TANC2: variants seen among roughly 807,000 people sequenced by gnomAD.
TANC2 encodes the protein tetratricopeptide repeat, ankyrin repeat and coiled-coil containing 2.
Under a neutral mutation model 210.5 loss-of-function variants are expected in TANC2, and 26 were observed. That is an observed-to-expected ratio of 0.12 (90% CI 0.09 to 0.17). The LOEUF is 0.17. Among genes scored for constraint, TANC2 ranks in the 10% least tolerant of loss-of-function variants. The pLI, the probability that TANC2 is intolerant of heterozygous loss-of-function variation, is 1.00. For missense variants in TANC2, 2,129 were observed against 2,608.9 expected (o/e 0.82, Z 4.01); for synonymous variants, 931 against 967.1 (o/e 0.96, Z 0.69).
intron 6 of TANC2, among the ~76,000 whole-genome samples, chr17:63,196,674 G>C (rs2041356009): frequency 6.6e-6 from 1 of 152,136 alleles, no homozygotes; most frequent in Non-Finnish European, 1.5e-5. Flanking sequence ...TTGTGTTCTA[G>C]TTCCAACTCT....
At chr17:63,306,938 C>A (rs2044931665) in intron 9 of TANC2, among the ~76,000 whole-genome samples, 1 of 152,072 alleles carries the variant, frequency 6.6e-6, no homozygotes, top group South Asian at 2.1e-4. Context: ...CAGAACAAGA[C>A]CATGTCTCTT....
At chr17:63,285,778 T>C (rs2044202107) in intron 9 of TANC2, among the ~76,000 whole-genome samples, 1 of 152,206 alleles carries the variant, frequency 6.6e-6, no homozygotes, top group Non-Finnish European at 1.5e-5. Flanking sequence ...AAGATTTTTA[T>C]TGGCGTGTGG....
intron 8 of TANC2, among the ~76,000 whole-genome samples, chr17:63,240,068 C>T (rs900745340): frequency 1.3e-5 from 2 of 152,182 alleles, no homozygotes; most frequent in Non-Finnish European, 2.9e-5. Flanking sequence ...TGGGCAGGGA[C>T]ACAGATCCAA....
At chr17:63,314,969 G>C (rs1242538289) in intron 10 of TANC2, among the ~76,000 whole-genome samples, 2 of 152,130 alleles carry the variant, frequency 1.3e-5, no homozygotes, top group African/African-American at 2.4e-5. Flanking sequence ...ATTGCCCGTA[G>C]AGCAATTTGC....
chr17:63,406,041 C>G (rs575484777), intron 20 of TANC2, 113 bp from the exon 21 acceptor site: 3 of 1,366,946 alleles, frequency 2.2e-6, no homozygotes, highest in African/African-American at 2.9e-5. Context: ...TGGAAAGATA[C>G]ATGGGTGACT....
intron 4 of TANC2, among the ~76,000 whole-genome samples, chr17:63,136,553 G>A (rs1340015573): frequency 6.6e-6 from 1 of 152,144 alleles, no homozygotes; most frequent in Non-Finnish European, 1.5e-5. Flanking sequence ...CACTATTATA[G>A]GCAGTACTAA....
At chr17:63,380,071 T>A (rs2047555953) in intron 15 of TANC2, among the ~76,000 whole-genome samples, 1 of 152,242 alleles carries the variant, frequency 6.6e-6, no homozygotes, top group Admixed American at 6.5e-5. Context: ...AAGGTGCATA[T>A]ACACCTATAG....
At chr17:63,352,911 A>T (rs1165915712) in intron 13 of TANC2, among the ~76,000 whole-genome samples, 2 of 152,176 alleles carry the variant, frequency 1.3e-5, no homozygotes, top group Non-Finnish European at 2.9e-5. Flanking sequence ...TTAGTAAGGA[A>T]CACAAAAAAC....
intron 10 of TANC2, among the ~76,000 whole-genome samples, chr17:63,316,950 A>ATTAATATAAGTTATTATATTAAAC (rs2045333344): frequency 1.8e-5 from 1 of 54,282 alleles, no homozygotes; most frequent in African/African-American, 4.6e-4. Context: ...AATATAAGTT[A>ATTAATATAAGTTATTATATTAAAC]TTAATATAAG....
At chr17:63,337,221 C>A (rs1002298439) in intron 11 of TANC2, among the ~76,000 whole-genome samples, 2 of 151,980 alleles carry the variant, frequency 1.3e-5, no homozygotes, top group African/African-American at 2.4e-5. Context: ...ATTTGGAATG[C>A]CAAAGAAATA....
At chr17:63,039,393 A>G (rs1269155100) in intron 2 of TANC2, among the ~76,000 whole-genome samples, 1 of 152,178 alleles carries the variant, frequency 6.6e-6, no homozygotes, top group African/African-American at 2.4e-5. Flanking sequence ...CTTTTGTTGG[A>G]TTAAAGCAAA....
chr17:63,375,120 A>T (rs2047385062), intron 14 of TANC2, among the ~76,000 whole-genome samples: 1 of 152,240 alleles, frequency 6.6e-6, no homozygotes, highest in Admixed American at 6.5e-5. Context: ...ATTAAATCTC[A>T]GTGCTCAAGA....
chr17:63,057,856 CAT>C (rs1220384199), intron 2 of TANC2, among the ~76,000 whole-genome samples: 3 of 152,056 alleles, frequency 2.0e-5, no homozygotes, highest in Non-Finnish European at 1.5e-5. Flanking sequence ...AGATTGATTC[CAT>C]GTCTTTGTTA....
chr17:63,113,126 T>C (rs1053406347), intron 4 of TANC2, among the ~76,000 whole-genome samples: 2 of 152,060 alleles, frequency 1.3e-5, no homozygotes, highest in Admixed American at 6.6e-5. Context: ...CAAATAAATA[T>C]CCACGATTCA....
At chr17:63,350,064 T>C (rs900442065) in intron 12 of TANC2, among the ~76,000 whole-genome samples, 3 of 152,190 alleles carry the variant, frequency 2.0e-5, no homozygotes, top group Admixed American at 6.5e-5. Flanking sequence ...TTTTATAAAG[T>C]TTATGCTTTA....
At chr17:63,338,684 A>G (rs1485391709) in intron 11 of TANC2, among the ~76,000 whole-genome samples, 2 of 152,236 alleles carry the variant, frequency 1.3e-5, no homozygotes, top group Non-Finnish European at 2.9e-5. Flanking sequence ...GTCTATCTGA[A>G]GAAAAGTGGA....
chr17:63,419,900 C>T, intron 27 of TANC2, 99 bp from the exon 28 acceptor site: 4 of 1,374,610 alleles, frequency 2.9e-6, no homozygotes, highest in Non-Finnish European at 3.9e-6. Context: ...CCACAGACGC[C>T]ACCACAGCTC....
chr17:63,167,249 A>G (rs1211242355), intron 5 of TANC2, among the ~76,000 whole-genome samples: 1 of 152,222 alleles, frequency 6.6e-6, no homozygotes, highest in African/African-American at 2.4e-5. Flanking sequence ...ACCTCATAGC[A>G]TTGTCATGAG....
chr17:63,027,519 G>GTT (rs970110343), intron 2 of TANC2, among the ~76,000 whole-genome samples: 5 of 151,696 alleles, frequency 3.3e-5, no homozygotes, highest in African/African-American at 1.2e-4. Context: ...TTTTCTTAGA[G>GTT]AACTTTATTT....
Sources: gnomAD v4.1 joint callset for allele counts (sites outside exome capture counted in the v4.1 genomes callset) on GRCh38, gnomAD v4.1.1 for gene constraint, MANE v1.5 for transcripts, NCBI Gene and HGNC (gene_info 2026-07-23, HGNC 2026-07-21) for gene names.